PTPRJ: variants seen among roughly 807,000 people sequenced by gnomAD.
The protein encoded by PTPRJ is protein tyrosine phosphatase receptor type J.
A neutral mutation model predicts 141.3 loss-of-function variants in PTPRJ; 129 were observed. The observed-to-expected ratio is 0.91, with a 90% CI of 0.79 to 1.06. The LOEUF (loss-of-function observed/expected upper bound fraction) is 1.06, where lower values mean the gene tolerates loss of function less well. Ranked by LOEUF, PTPRJ falls within the 50% of genes least tolerant of loss-of-function variation. The pLI, the probability that PTPRJ is intolerant of heterozygous loss-of-function variation, is 0.00. For missense variants in PTPRJ, 1,601 were observed against 1,679.7 expected (o/e 0.95, Z 0.82); for synonymous variants, 610 against 640.5 (o/e 0.95, Z 0.72).
chr11:48,050,719 T>C (rs189787717), intron 1 of PTPRJ, among the ~76,000 whole-genome samples: 1 of 61,078 alleles, frequency 1.6e-5, no homozygotes, highest in Admixed American at 1.3e-4. Context: ...ATTTAGGGAA[T>C]TTTTTTTTTC....
At position 48,092,294 on chromosome 11, in the gene PTPRJ, C is replaced by CAAA. The variant is rs3971621; in HGVS notation, c.97-17743_97-17741dup. ...TGGGCCACAGAGCAAGATTTCATCT[C>CAAA]AAAAAAAAAAAAAAAAAAAAAAAGA... On this transcript the variant is annotated intron_variant, in intron 1 of 24. Coordinates refer to ENST00000418331, the MANE Select transcript of PTPRJ (RefSeq NM_002843.4). 2.8e-3 allele frequency among the ~76,000 whole-genome samples: 129 copies of CAAA among 46,900 alleles called. 2 individuals are homozygous for CAAA. Among genetic ancestry groups the CAAA allele is most frequent in the South Asian group, 5.0e-3 (4 of 808 alleles). The allele number at this position is 46,900 out of a possible 152,430, so 30.8% of individuals were successfully genotyped here. A position where few individuals can be genotyped will look rare whatever the true frequency, so the allele number is the denominator to read the frequency against.
chr11:48,058,855 G>A (rs1192077704), intron 1 of PTPRJ, among the ~76,000 whole-genome samples: 4 of 152,142 alleles, frequency 2.6e-5, no homozygotes, highest in Admixed American at 1.3e-4. Context: ...AGGCCTGTAC[G>A]ATCTGCCCCC....
intron 1 of PTPRJ, among the ~76,000 whole-genome samples, chr11:48,083,568 A>AT (rs1268136084): frequency 6.6e-6 from 1 of 152,170 alleles, no homozygotes; most frequent in Admixed American, 6.6e-5. Flanking sequence ...ACAGTGCTTC[A>AT]TTTTTTTCCA....
intron 1 of PTPRJ, among the ~76,000 whole-genome samples, chr11:48,022,223 G>T (rs919007907): frequency 3.3e-5 from 5 of 152,136 alleles, no homozygotes; most frequent in African/African-American, 1.2e-4. Flanking sequence ...CTAGCACTTT[G>T]GGAGGCCGAG....
chr11:48,046,436 T>G (rs1337785050), intron 1 of PTPRJ: 2 of 152,172 alleles, frequency 1.3e-5, no homozygotes, highest in Non-Finnish European at 1.5e-5. Flanking sequence ...CTAAGAGCTC[T>G]TTGCCAAGGG....
intron 1 of PTPRJ, among the ~76,000 whole-genome samples, chr11:48,059,143 G>A (rs1244636214): frequency 8.2e-6 from 1 of 122,410 alleles, no homozygotes. Flanking sequence ...TTTTGAGGCA[G>A]AGTCTCACTC....
At chr11:48,011,079 T>G (rs1854771032) in intron 1 of PTPRJ, among the ~76,000 whole-genome samples, 1 of 152,110 alleles carries the variant, frequency 6.6e-6, no homozygotes, top group South Asian at 2.1e-4. Flanking sequence ...TACTGCCTAT[T>G]CAGGGACCAG....
At chr11:48,159,821 T>C (rs1434488583) in intron 21 of PTPRJ, 109 bp from the exon 22 acceptor site, 13 of 1,403,942 alleles carry the variant, frequency 9.3e-6, no homozygotes, top group Middle Eastern at 1.8e-4. Context: ...CTAGAAGGTC[T>C]GATTCCATCT....
chr11:48,137,051 C>T lies in PTPRJ; in HGVS notation c.1922C>T (p.Ala641Val). ...NIDVSTNTTA[A>V]TLSWQNFDDA... is the part of the protein sequence containing the mutation. Reference sequence around the variant, plus strand: ...GATGTAAGTACCAACACCACAGCAGCAACTTTAAGTTGGCAGAACTTTGAT... The same window carrying T: ...GATGTAAGTACCAACACCACAGCAGTAACTTTAAGTTGGCAGAACTTTGAT... Residue 641 changes from alanine (A) to valine (V), a missense_variant, in exon 10 of 25, where the codon GCA becomes GTA. Coordinates refer to ENST00000418331, the MANE Select transcript of PTPRJ (RefSeq NM_002843.4). 6.2e-7 allele frequency: 1 copy of T among 1,605,270 alleles called. No homozygotes were observed. Among genetic ancestry groups the T allele is most frequent in the South Asian group, 1.1e-5 (1 of 90,908 alleles).
chr11:48,134,082 A>C (rs571504302), intron 8 of PTPRJ, among the ~76,000 whole-genome samples: 2 of 152,344 alleles, frequency 1.3e-5, no homozygotes, highest in African/African-American at 4.8e-5. Context: ...TACACTGACA[A>C]ATGGTTAAGA....
rs779100745 is a variant in PTPRJ, at chr11:48,130,721, G to C, written c.1615+5G>C. 1 of 1,590,700 alleles carries C rather than the reference G, an allele frequency of 6.3e-7. No individual in the cohort carries two copies. The highest frequency in any genetic ancestry group is 2.3e-5 in the East Asian group (1 of 44,056). On this transcript the variant is annotated splice_donor_5th_base_variant and intron_variant, in intron 8 of 24. Coordinates refer to ENST00000418331, the MANE Select transcript of PTPRJ (RefSeq NM_002843.4). ...GGACAGTTTGCAATAGAACTGGTAA[G>C]CAAATAGGCTTTTCTGTTAAACCAT...
chr11:48,129,786 G>A (rs565983152), intron 7 of PTPRJ, among the ~76,000 whole-genome samples: 127 of 152,242 alleles, frequency 8.3e-4, no homozygotes, highest in Non-Finnish European at 1.2e-3. Flanking sequence ...CACCGCTGAG[G>A]TTTTGGTTCT....
At chr11:48,143,805 C>T (rs1857288630) in intron 12 of PTPRJ, among the ~76,000 whole-genome samples, 1 of 121,056 alleles carries the variant, frequency 8.3e-6, no homozygotes, top group Non-Finnish European at 1.7e-5. Context: ...CTCCCCTCTC[C>T]TCCTCCTCCC....
intron 1 of PTPRJ, among the ~76,000 whole-genome samples, chr11:47,997,020 A>G (rs984678681): frequency 1.3e-5 from 2 of 152,178 alleles, no homozygotes; most frequent in African/African-American, 4.8e-5. Context: ...CTATCCCACC[A>G]TGTGGTTGGG....
chr11:48,059,630 C>G (rs1854864993), intron 1 of PTPRJ, among the ~76,000 whole-genome samples: 1 of 152,184 alleles, frequency 6.6e-6, no homozygotes, highest in African/African-American at 2.4e-5. Context: ...AGAGCAGGAG[C>G]AAGACACATC....
At chr11:48,059,393 G>A (rs1275900482) in intron 1 of PTPRJ, among the ~76,000 whole-genome samples, 2 of 152,118 alleles carry the variant, frequency 1.3e-5, no homozygotes, top group Admixed American at 6.5e-5. Flanking sequence ...AAAGTGCTGG[G>A]ATTACAGGCG....
chr11:48,139,547 C>T lies in PTPRJ; in HGVS notation c.2214C>T (p.Leu738=). ...EVVPKEPALV[L]KWTCPPGANA... ...TCCCCAAAGAGCCAGCCCTGGTTCT[C>T]AAATGGACCTGCCCTCCTGGCGCCA... The change falls in exon 11 of 25, where the codon CTC becomes CTT. Residue 738 remains leucine, a synonymous_variant. Coordinates refer to ENST00000418331, the MANE Select transcript of PTPRJ (RefSeq NM_002843.4). 6.2e-7 allele frequency: 1 copy of T among 1,614,220 alleles called. No homozygotes were observed. The highest frequency in any genetic ancestry group is 8.5e-7 in the Non-Finnish European group (1 of 1,180,044).
At chr11:48,084,295 C>T (rs1447878078) in intron 1 of PTPRJ, among the ~76,000 whole-genome samples, 1 of 152,158 alleles carries the variant, frequency 6.6e-6, no homozygotes, top group Non-Finnish European at 1.5e-5. Context: ...CCTGCTTCAG[C>T]ATCCCGAGTA....
At chr11:48,081,595 T>A (rs1397910306) in intron 1 of PTPRJ, among the ~76,000 whole-genome samples, 1 of 152,048 alleles carries the variant, frequency 6.6e-6, no homozygotes, top group Non-Finnish European at 1.5e-5. Flanking sequence ...GTGGCTGTTG[T>A]TCAAGGAGGC....
Sources: allele counts gnomAD v4.1 joint callset (sites outside exome capture counted in the v4.1 genomes callset), GRCh38; gene constraint gnomAD v4.1.1; transcripts MANE v1.5; gene names NCBI Gene and HGNC (gene_info 2026-07-23, HGNC 2026-07-21).